Variants in HTR1F observed in about 807,000 individuals in gnomAD.
HTR1F encodes the protein 5-hydroxytryptamine (serotonin) receptor 1F, G protein-coupled.
A neutral mutation model predicts 24.0 loss-of-function variants in HTR1F; 17 were observed. That is an observed-to-expected ratio of 0.71 (90% CI 0.48 to 1.06). The LOEUF is 1.06. Among genes scored for constraint, HTR1F ranks in the 50% least tolerant of loss-of-function variants. The probability of loss-of-function intolerance (pLI) is 0.00; values close to 1 mark genes in which losing one functional copy is unlikely to be tolerated. For missense variants in HTR1F, 391 were observed against 427.8 expected (o/e 0.91, Z 0.76); for synonymous variants, 186 against 156.8 (o/e 1.19, Z -1.39).
At chr3:87,848,946 T>G (rs1343912523) in intron 2 of HTR1F, among the ~76,000 whole-genome samples, 44 of 151,348 alleles carry the variant, frequency 2.9e-4, no homozygotes, top group Admixed American at 5.3e-4. Flanking sequence ...CACTGCTCAA[T>G]GAAATAAAAG....
At chr3:87,814,128 A>G (rs1704207654) in intron 1 of HTR1F, among the ~76,000 whole-genome samples, 2 of 152,176 alleles carry the variant, frequency 1.3e-5, no homozygotes, top group South Asian at 4.1e-4. Context: ...CATTTAAAGT[A>G]ATGAATGACG....
intron 2 of HTR1F, among the ~76,000 whole-genome samples, chr3:87,936,524 A>G (rs1704422347): frequency 2.6e-5 from 4 of 152,226 alleles, no homozygotes; most frequent in Non-Finnish European, 4.4e-5. Flanking sequence ...TAAATAAATT[A>G]GAAAAAGATA....
At chr3:87,792,956 C>G (rs1002168202) in intron 1 of HTR1F, among the ~76,000 whole-genome samples, 114 bp downstream of exon 1, 1 of 152,230 alleles carries the variant, frequency 6.6e-6, no homozygotes, top group Non-Finnish European at 1.5e-5. Context: ...AGCGCTTGCT[C>G]TCGGCGGAAA....
chr3:87,809,826 C>T (rs1183686231), intron 1 of HTR1F, among the ~76,000 whole-genome samples: 1 of 151,994 alleles, frequency 6.6e-6, no homozygotes, highest in Non-Finnish European at 1.5e-5. Flanking sequence ...TTCATCTTGT[C>T]CAATGTTAGC....
intron 2 of HTR1F, among the ~76,000 whole-genome samples, chr3:87,987,497 G>T (rs1249318651): frequency 6.6e-6 from 1 of 151,164 alleles, no homozygotes; most frequent in African/African-American, 2.4e-5. Context: ...AGGAAATATG[G>T]TCATAGCATA....
intron 2 of HTR1F, among the ~76,000 whole-genome samples, chr3:87,932,151 T>C (rs1249684916): frequency 1.3e-5 from 2 of 152,136 alleles, no homozygotes; most frequent in South Asian, 2.1e-4. Flanking sequence ...ATGCCTAGGT[T>C]TTCTTCTAGG....
chr3:87,826,619 G>A (rs1275233701), intron 2 of HTR1F, among the ~76,000 whole-genome samples: 2 of 152,082 alleles, frequency 1.3e-5, no homozygotes, highest in African/African-American at 4.8e-5. Context: ...GAAAGTAGGT[G>A]TTTTCCAGCT....
chr3:87,814,557 C>T (rs1704217128), intron 1 of HTR1F, among the ~76,000 whole-genome samples: 1 of 152,136 alleles, frequency 6.6e-6, no homozygotes, highest in Non-Finnish European at 1.5e-5. Flanking sequence ...AACCAACATT[C>T]TACTCTGCTC....
At chr3:87,990,353 C>T (rs1378817462) in intron 2 of HTR1F, among the ~76,000 whole-genome samples, 5 of 152,032 alleles carry the variant, frequency 3.3e-5, no homozygotes, top group South Asian at 4.2e-4. Flanking sequence ...CGGAGGCCTG[C>T]GTTATTGAGA....
At chr3:87,981,418 C>T (rs953619488) in intron 2 of HTR1F, among the ~76,000 whole-genome samples, 2 of 152,192 alleles carry the variant, frequency 1.3e-5, no homozygotes, top group Non-Finnish European at 2.9e-5. Flanking sequence ...TAGTCTCGAA[C>T]TCTTGAGCTC....
intron 1 of HTR1F, among the ~76,000 whole-genome samples, chr3:87,794,201 G>C (rs1480809205): frequency 6.6e-6 from 1 of 151,808 alleles, no homozygotes; most frequent in Non-Finnish European, 1.5e-5. Context: ...AAGCAAACCC[G>C]AGGAAGACTC....
intron 2 of HTR1F, among the ~76,000 whole-genome samples, chr3:87,953,865 G>A (rs1171723329): frequency 2.0e-5 from 3 of 151,754 alleles, no homozygotes; most frequent in African/African-American, 7.2e-5. Flanking sequence ...TTAAAAGAAG[G>A]AAATCCTGTC....
intron 2 of HTR1F, among the ~76,000 whole-genome samples, chr3:87,904,211 G>A (rs1477474647): frequency 6.6e-6 from 1 of 152,072 alleles, no homozygotes; most frequent in African/African-American, 2.4e-5. Context: ...AATTTAGGAG[G>A]CTGACAGTTC....
intron 1 of HTR1F, among the ~76,000 whole-genome samples, chr3:87,813,231 C>T (rs1404606195): frequency 1.3e-5 from 2 of 152,154 alleles, no homozygotes; most frequent in Admixed American, 1.3e-4. Context: ...CTGTGGAAGC[C>T]CATCCCTTGC....
chr3:87,944,475 G>GT (rs1474465096), intron 2 of HTR1F, among the ~76,000 whole-genome samples: 4 of 152,132 alleles, frequency 2.6e-5, no homozygotes, highest in Non-Finnish European at 5.9e-5. Flanking sequence ...ACCCATTGTG[G>GT]TTTTTTCCTC....
chr3:87,961,717 T>C (rs1683792397), intron 2 of HTR1F, among the ~76,000 whole-genome samples: 1 of 151,602 alleles, frequency 6.6e-6, no homozygotes, highest in African/African-American at 2.4e-5. Flanking sequence ...TGACAAAAAA[T>C]TATACTCAAA....
At chr3:87,812,612 G>A (rs957721287) in intron 1 of HTR1F, among the ~76,000 whole-genome samples, 7 of 152,198 alleles carry the variant, frequency 4.6e-5, no homozygotes, top group African/African-American at 1.7e-4. Flanking sequence ...CATAGGTAAT[G>A]AGGAGCTGAA....
intron 2 of HTR1F, among the ~76,000 whole-genome samples, chr3:87,890,023 A>AAT (rs1706042782): frequency 6.6e-6 from 1 of 152,180 alleles, no homozygotes; most frequent in Non-Finnish European, 1.5e-5. Flanking sequence ...TTTCAATGGA[A>AAT]AGTTTAGAAC....
intron 2 of HTR1F, among the ~76,000 whole-genome samples, chr3:87,975,434 A>G (rs1424234850): frequency 2.0e-5 from 3 of 152,166 alleles, no homozygotes; most frequent in African/African-American, 7.2e-5. Flanking sequence ...AAGTACTTTA[A>G]GTTTTCCTTT....
Sources: allele counts gnomAD v4.1 joint callset (sites outside exome capture counted in the v4.1 genomes callset), GRCh38; gene constraint gnomAD v4.1.1; transcripts MANE v1.5; gene names NCBI Gene and HGNC (gene_info 2026-07-23, HGNC 2026-07-21).